PGM5: variants seen among roughly 807,000 people sequenced by gnomAD.
The protein encoded by PGM5 is phosphoglucomutase-like protein 5.
A neutral mutation model predicts 59.2 loss-of-function variants in PGM5; 23 were observed. The ratio of observed to expected loss-of-function variants is 0.39; its 90% CI spans 0.28 to 0.55. The LOEUF is 0.55. PGM5 is among the 20% of genes least tolerant of loss of function. The probability of loss-of-function intolerance (pLI) is 0.66; values close to 1 mark genes in which losing one functional copy is unlikely to be tolerated. For synonymous variants in PGM5, 214 were observed against 286.0 expected, an observed-to-expected ratio of 0.75 and a Z score of 2.54; for missense variants, 574 against 748.3, an observed-to-expected ratio of 0.77 and a Z score of 2.72.
chr9:68,493,376 A>C (rs1373789704), intron 9 of PGM5, among the ~76,000 whole-genome samples: 1 of 152,232 alleles, frequency 6.6e-6, no homozygotes, highest in Non-Finnish European at 1.5e-5. Context: ...AAAATACAAA[A>C]CATAAGATAT....
intron 9 of PGM5, among the ~76,000 whole-genome samples, chr9:68,486,206 C>A (rs1554687537): frequency 1.3e-5 from 2 of 152,190 alleles, no homozygotes. Context: ...TATTGAGAGC[C>A]TACCAAATGC....
At chr9:68,484,873 A>G (rs1043448615) in intron 9 of PGM5, among the ~76,000 whole-genome samples, 9 of 152,214 alleles carry the variant, frequency 5.9e-5, no homozygotes, top group African/African-American at 2.2e-4. Context: ...TGCCCTGGAT[A>G]GGTCTTTTCC....
At chr9:68,446,957 G>C (rs1417106819) in intron 6 of PGM5, among the ~76,000 whole-genome samples, 2 of 152,188 alleles carry the variant, frequency 1.3e-5, no homozygotes, top group African/African-American at 4.8e-5. Context: ...CCTTATAAGG[G>C]GGAAGAGTGG....
chr9:68,372,291 G>T (rs113963242), intron 1 of PGM5, among the ~76,000 whole-genome samples: 2 of 149,778 alleles, frequency 1.3e-5, no homozygotes, highest in Non-Finnish European at 3.0e-5. Flanking sequence ...GCCTCTTCCA[G>T]CTTCTGGCAG....
chr9:68,430,094 A>C (rs946965830), intron 6 of PGM5, among the ~76,000 whole-genome samples: 10 of 152,254 alleles, frequency 6.6e-5, no homozygotes, highest in Non-Finnish European at 1.5e-4. Flanking sequence ...ATCATTTGAA[A>C]TGTAGAAATA....
At chr9:68,460,945 T>C (rs1823848551) in intron 6 of PGM5, among the ~76,000 whole-genome samples, 1 of 152,162 alleles carries the variant, frequency 6.6e-6, no homozygotes, top group African/African-American at 2.4e-5. Flanking sequence ...TAAAGACCCA[T>C]ACCACGGAAG....
intron 7 of PGM5, among the ~76,000 whole-genome samples, chr9:68,476,831 C>A (rs1254593525): frequency 6.6e-6 from 1 of 152,178 alleles, no homozygotes; most frequent in Non-Finnish European, 1.5e-5. Flanking sequence ...CTTTATGTCC[C>A]TCTAGCACTA....
chr9:68,382,246 G>C (rs1822097106), intron 2 of PGM5, among the ~76,000 whole-genome samples: 1 of 151,480 alleles, frequency 6.6e-6, no homozygotes, highest in African/African-American at 2.4e-5. Flanking sequence ...TTTTGGACCA[G>C]GGCACCAAGA....
intron 6 of PGM5, among the ~76,000 whole-genome samples, chr9:68,450,484 C>T (rs782256037): frequency 2.0e-5 from 3 of 152,200 alleles, no homozygotes; most frequent in Non-Finnish European, 4.4e-5. Context: ...GAATGTTTTA[C>T]AGCTTGCCAA....
At chr9:68,454,253 G>A (rs1823738923) in intron 6 of PGM5, among the ~76,000 whole-genome samples, 1 of 152,134 alleles carries the variant, frequency 6.6e-6, no homozygotes. Context: ...TCTGTCCCTG[G>A]ATTTCAGTAA....
rs1358052079 is a variant in PGM5, at chr9:68,466,470, T to C, written c.1159+1262T>C. 4 of 177,730 alleles carry C rather than the reference T, an allele frequency of 2.3e-5. No homozygotes were observed. In the East Asian group the frequency reaches 6.7e-4, roughly 30 times the overall value. The allele number at this position is 177,730 out of a possible 1,614,324, so 11.0% of individuals were successfully genotyped here. A position where few individuals can be genotyped will look rare whatever the true frequency, so the allele number is the denominator to read the frequency against. The stretch of plus-strand genomic sequence containing the variant: ...CTTTGGTTCAGCTGATTGCTTTATC[T>C]CTTGACAATGGTTTGGGTTTTCCTG... On this transcript the variant is annotated intron_variant, in intron 7 of 10. Transcript: ENST00000396396.
intron 10 of PGM5, among the ~76,000 whole-genome samples, chr9:68,512,562 T>C (rs1554689457): frequency 6.6e-6 from 1 of 152,208 alleles, no homozygotes; most frequent in Non-Finnish European, 1.5e-5. Context: ...TAGATGGCTG[T>C]CTTTTCCCTG....
intron 6 of PGM5, among the ~76,000 whole-genome samples, chr9:68,449,099 T>C (rs1823656860): frequency 6.6e-6 from 1 of 152,376 alleles, no homozygotes; most frequent in South Asian, 2.1e-4. Flanking sequence ...TATCCTCATG[T>C]GGCAGAAGGG....
At chr9:68,427,478 G>GA (rs1380805174) in intron 6 of PGM5, among the ~76,000 whole-genome samples, 1 of 152,176 alleles carries the variant, frequency 6.6e-6, no homozygotes, top group Admixed American at 6.5e-5. Context: ...CTCTGGAGCA[G>GA]AAAATCCCTG....
chr9:68,415,314 G>T (rs1823006082), intron 6 of PGM5, among the ~76,000 whole-genome samples: 1 of 149,734 alleles, frequency 6.7e-6, no homozygotes, highest in Admixed American at 6.6e-5. Flanking sequence ...AGGAACTGAG[G>T]TGGTTGTTCT....
chr9:68,506,684 T>C (rs984889386), intron 10 of PGM5, among the ~76,000 whole-genome samples: 3 of 152,090 alleles, frequency 2.0e-5, no homozygotes, highest in Non-Finnish European at 4.4e-5. Context: ...GAGAATAAAG[T>C]AGAAATGGAT....
intron 10 of PGM5, among the ~76,000 whole-genome samples, chr9:68,517,885 A>G (rs1024872643): frequency 3.3e-5 from 5 of 152,234 alleles, no homozygotes; most frequent in Non-Finnish European, 5.9e-5. Context: ...AAGAACAGGA[A>G]AAGGGTTGGC....
rs185249866 is a variant in PGM5 at position 68,486,494 on chromosome 9, G to T, written c.1479+2446G>T. On this transcript the variant is annotated intron_variant, in intron 9 of 10. Coordinates refer to ENST00000396396, the MANE Select transcript of PGM5 (RefSeq NM_021965.4). ...CTGATCTTTCTGTCTCTATGGATTC[G>T]CCTATTTGGGACATTTTGTATAAAT... is the stretch of plus-strand genomic sequence containing the variant. Among the ~76,000 whole-genome samples the T allele has an allele frequency of 2.6e-5, 4 of 152,152 alleles. No homozygotes were observed. The East Asian group carries it at 7.7e-4, about 29-fold the overall frequency.
intron 6 of PGM5, among the ~76,000 whole-genome samples, chr9:68,428,312 G>A (rs889322103): frequency 6.6e-6 from 1 of 152,164 alleles, no homozygotes; most frequent in Non-Finnish European, 1.5e-5. Flanking sequence ...CCAGGGAGAC[G>A]GCTCTAGCAC....
Sources: gnomAD v4.1 joint callset for allele counts (sites outside exome capture counted in the v4.1 genomes callset) on GRCh38, gnomAD v4.1.1 for gene constraint, MANE v1.5 for transcripts, NCBI Gene and HGNC (gene_info 2026-07-23, HGNC 2026-07-21) for gene names.